The following ATXN10 variants were observed in gnomAD, a reference collection of about 807,000 sequenced individuals.
ATXN10 encodes the protein ataxin 10.
A neutral mutation model predicts 52.9 loss-of-function variants in ATXN10; 28 were observed. The ratio of observed to expected loss-of-function variants is 0.53; its 90% CI spans 0.39 to 0.73. The LOEUF is 0.73. Among genes scored for constraint, ATXN10 ranks in the 30% least tolerant of loss-of-function variants. The pLI, the probability that ATXN10 is intolerant of heterozygous loss-of-function variation, is 0.00. For missense variants in ATXN10, 565 were observed against 577.0 expected (o/e 0.98, Z 0.21); for synonymous variants, 226 against 221.5 (o/e 1.02, Z -0.18).
chr22:45,697,217 C>T (rs891252262), intron 3 of ATXN10, among the ~76,000 whole-genome samples: 4 of 152,096 alleles, frequency 2.6e-5, no homozygotes, highest in Non-Finnish European at 4.4e-5. Context: ...TCACTACAGT[C>T]TCCGCCTCCC....
intron 1 of ATXN10, among the ~76,000 whole-genome samples, chr22:45,686,818 CAAAA>C (rs66702783): frequency 1.0e-3 from 126 of 123,500 alleles, no homozygotes; most frequent in Non-Finnish European, 1.6e-3. Context: ...GACTCCATCT[CAAAA>C]AAAAAAAAAA....
Position 45,733,541 on chromosome 22 carries a change from C to G in ATXN10, c.894+3951C>G, listed in dbSNP as rs1433223262. On this transcript the variant is annotated intron_variant, in intron 7 of 11. Transcript: ENST00000252934. This position sits in a 1 kb window ranked among gnomAD's most constrained non-coding sequence, Gnocchi z 4.4. ...CCTGAGGTCAGGAGTTTGAGACCAGCCTGACTAACATGGTGAGACCCCCGT... is the reference window on the plus strand; with the variant it reads ...CCTGAGGTCAGGAGTTTGAGACCAGGCTGACTAACATGGTGAGACCCCCGT... Among the ~76,000 whole-genome samples the G allele has an allele frequency of 6.6e-6, 1 of 152,056 alleles. No homozygotes were observed. Among genetic ancestry groups the G allele is most frequent in the Non-Finnish European group, 1.5e-5 (1 of 68,018 alleles).
rs565545144 is a variant in ATXN10, at chr22:45,726,038, A to T, written c.729-3387A>T. 4.6e-5 allele frequency among the ~76,000 whole-genome samples: 7 copies of T among 152,144 alleles called. No homozygotes were observed. In the South Asian group the frequency reaches 1.2e-3, roughly 27 times the overall value. ...GGTGAATTATCTTTTTGCTGTGCCG[A>T]TGGATTCAGTTTTCTAGTATTTTGT... On this transcript the variant is annotated intron_variant, in intron 6 of 11. Transcript: ENST00000252934.
intron 9 of ATXN10, among the ~76,000 whole-genome samples, chr22:45,799,376 AC>A (rs1053482446): frequency 1.1e-4 from 16 of 152,186 alleles, no homozygotes; most frequent in Non-Finnish European, 1.9e-4. Context: ...TTACAACGTG[AC>A]CTTATTTGGA....
chr22:45,691,214 T>C (rs1923360390), intron 2 of ATXN10, among the ~76,000 whole-genome samples: 1 of 152,250 alleles, frequency 6.6e-6, no homozygotes, highest in Admixed American at 6.5e-5. Context: ...TAGTTTCTTT[T>C]GTCCTTTTCC....
rs569856414 is a variant in ATXN10, at chr22:45,678,330, G to C, written c.116+6151G>C. 6.6e-6 allele frequency: 1 copy of C among 152,132 alleles called. No individual in the cohort carries two copies. The highest frequency in any genetic ancestry group is 1.5e-5 in the Non-Finnish European group (1 of 68,028). 9.4% of individuals were successfully genotyped at this position (152,132 alleles called of 1,614,324 possible). A position where few individuals can be genotyped will look rare whatever the true frequency, so the allele number is the denominator to read the frequency against. ...TAAGTGGGTGACTTTAGTGTGCCAC[G>C]TGAACCCTATCTCAATAGTGCTGTT... On this transcript the variant is annotated intron_variant, in intron 1 of 11. Transcript: ENST00000252934. This position sits in a 1 kb window ranked among gnomAD's most constrained non-coding sequence, Gnocchi z 4.1.
intron 3 of ATXN10, among the ~76,000 whole-genome samples, chr22:45,697,118 A>G (rs979764196): frequency 9.2e-5 from 14 of 152,182 alleles, no homozygotes; most frequent in Non-Finnish European, 1.5e-4. Context: ...TGCAACTACC[A>G]TCTCTACCTA....
rs773671615 is a variant in ATXN10 at position 45,712,630 on chromosome 22, G to A, written c.648-5783G>A. Reference sequence around the variant, plus strand: ...TAAAGGAAGGGTGGCTGGGATGTGCGTGTGTGTAATACGTTTCCCCCAGTG... The same window carrying A: ...TAAAGGAAGGGTGGCTGGGATGTGCATGTGTGTAATACGTTTCCCCCAGTG... On this transcript the variant is annotated intron_variant, in intron 5 of 11. Coordinates refer to ENST00000252934, the MANE Select transcript of ATXN10 (RefSeq NM_013236.4). The surrounding 1 kb of genome is among the most constrained non-coding windows in gnomAD (Gnocchi z 4.6). Among the ~76,000 whole-genome samples the A allele has an allele frequency of 2.2e-4, 34 of 152,270 alleles. No individual in the cohort carries two copies. The highest frequency in any genetic ancestry group is 1.0e-3 in the Admixed American group (16 of 15,296).
rs1331344192 is a variant in ATXN10 at position 45,826,759 on chromosome 22, C to T, written c.1238-16232C>T. 6.6e-6 allele frequency among the ~76,000 whole-genome samples: 1 copy of T among 152,178 alleles called. No individual in the cohort carries two copies. Among genetic ancestry groups the T allele is most frequent in the Non-Finnish European group, 1.5e-5 (1 of 68,018 alleles). Reference sequence around the variant, plus strand: ...CAAAAGCTGATGGAGTTTGTTACCACTAGACCTGCCTTGTAAGAAATGCTC... The same window carrying T: ...CAAAAGCTGATGGAGTTTGTTACCATTAGACCTGCCTTGTAAGAAATGCTC... On this transcript the variant is annotated intron_variant, in intron 10 of 11. Coordinates refer to ENST00000252934, the MANE Select transcript of ATXN10 (RefSeq NM_013236.4). The surrounding 1 kb of genome is among the most constrained non-coding windows in gnomAD (Gnocchi z 5.0).
In ATXN10 at chr22:45,841,774, G is replaced by C. The variant is rs775497646; in HGVS notation, c.1238-1217G>C. Among the ~76,000 whole-genome samples, 1 of 152,208 alleles carries C rather than the reference G, an allele frequency of 6.6e-6. No homozygotes were observed. Among genetic ancestry groups the C allele is most frequent in the Non-Finnish European group, 1.5e-5 (1 of 68,034 alleles). On this transcript the variant is annotated intron_variant, in intron 10 of 11. Coordinates refer to ENST00000252934, the MANE Select transcript of ATXN10 (RefSeq NM_013236.4). The surrounding 1 kb of genome is among the most constrained non-coding windows in gnomAD (Gnocchi z 5.1). ...CTACAGGAAAGAGCACCAGCTTTGT[G>C]AATGTTGAAGTTTTCTCTGTGTTCT... is the stretch of plus-strand genomic sequence containing the variant.
rs1040109609 is a variant in ATXN10, at chr22:45,819,944, T to A, written c.1237+12922T>A. Among the ~76,000 whole-genome samples the A allele has an allele frequency of 6.6e-6, 1 of 152,120 alleles. No individual in the cohort carries two copies. Among genetic ancestry groups the A allele is most frequent in the Non-Finnish European group, 1.5e-5 (1 of 68,032 alleles). On this transcript the variant is annotated intron_variant, in intron 10 of 11. Transcript: ENST00000252934. The surrounding 1 kb of genome is among the most constrained non-coding windows in gnomAD (Gnocchi z 4.5). ...AACATGTTCCAGTAACCCTGATAATTGTCAGGATTTTTGTCTAAAAAGACC... is the reference window on the plus strand; with the variant it reads ...AACATGTTCCAGTAACCCTGATAATAGTCAGGATTTTTGTCTAAAAAGACC...
intron 9 of ATXN10, among the ~76,000 whole-genome samples, chr22:45,742,595 C>G (rs2044353455): frequency 2.0e-5 from 3 of 151,588 alleles, no homozygotes; most frequent in Admixed American, 2.0e-4. Context: ...AGCCAGTACA[C>G]TTTAAGATAC....
chr22:45,838,708 T>C (rs1929248320), intron 10 of ATXN10, among the ~76,000 whole-genome samples: 1 of 152,212 alleles, frequency 6.6e-6, no homozygotes, highest in Non-Finnish European at 1.5e-5. Context: ...GGCTGCACTC[T>C]AACAAGGAGT....
intron 7 of ATXN10, among the ~76,000 whole-genome samples, chr22:45,736,904 G>C (rs144046546): frequency 6.6e-6 from 1 of 152,050 alleles, no homozygotes; most frequent in Admixed American, 6.6e-5. Context: ...TAACATTATT[G>C]TTCATTTTTT....
intron 9 of ATXN10, among the ~76,000 whole-genome samples, chr22:45,779,650 A>G (rs714022): frequency 6.6e-6 from 1 of 151,970 alleles, no homozygotes; most frequent in Non-Finnish European, 1.5e-5. Context: ...CCTTTGGTAC[A>G]TAACCTTGTA....
At chr22:45,738,473 C>G (rs1569043385) in intron 7 of ATXN10, 1 of 424,242 alleles carries the variant, frequency 2.4e-6, no homozygotes, top group East Asian at 4.4e-5. Context: ...TTTTCTGACT[C>G]TTTGCTCCAA....
chr22:45,836,485 A>G (rs1488006789), intron 10 of ATXN10, among the ~76,000 whole-genome samples: 1 of 152,124 alleles, frequency 6.6e-6, no homozygotes, highest in Non-Finnish European at 1.5e-5. Context: ...GGTGGTCCCA[A>G]CAGGTAGCAC....
At chr22:45,758,302 A>G (rs1245699339) in intron 9 of ATXN10, among the ~76,000 whole-genome samples, 1 of 152,250 alleles carries the variant, frequency 6.6e-6, no homozygotes, top group African/African-American at 2.4e-5. Context: ...CAGTGCCTCC[A>G]TGGAGCACCA....
chr22:45,751,755 TAAAAAAAA>T (rs1189214830), intron 9 of ATXN10, among the ~76,000 whole-genome samples: 3,291 of 103,134 alleles, frequency 0.032, 46 homozygotes, highest in Middle Eastern at 0.04. Context: ...AAAAAAAAAA[TAAAAAAAA>T]AATAATAATA....
Sources: gnomAD v4.1 joint callset for allele counts (sites outside exome capture counted in the v4.1 genomes callset) on GRCh38, gnomAD v4.1.1 for gene constraint, Gnocchi (gnomAD v3.1) non-coding constraint, MANE v1.5 for transcripts, NCBI Gene and HGNC (gene_info 2026-07-23, HGNC 2026-07-21) for gene names.